The following MRPL50 variants were observed in gnomAD, a reference collection of about 807,000 sequenced individuals.
MRPL50 encodes the protein large ribosomal subunit protein mL50.
MRPL50 carries 10 observed loss-of-function variants against 16.2 expected under a neutral mutation model. The ratio of observed to expected loss-of-function variants is 0.62; its 90% CI spans 0.38 to 1.05. The LOEUF is 1.05. Ranked by LOEUF, MRPL50 falls within the 50% of genes least tolerant of loss-of-function variation. MRPL50 has a pLI of 0.01. For missense variants in MRPL50, 213 were observed against 187.1 expected, an observed-to-expected ratio of 1.14 and a Z score of -0.81; for synonymous variants, 68 against 66.8, an observed-to-expected ratio of 1.02 and a Z score of -0.09.
Position 101,389,972 on chromosome 9 carries a change from T to C in MRPL50, c.*494A>G. On this transcript the variant is annotated 3_prime_UTR_variant, in exon 2 of 2. Coordinates refer to ENST00000374865, the MANE Select transcript of MRPL50 (RefSeq NM_019051.3). The stretch of plus-strand genomic sequence containing the variant: ...AAAATTTACAACACACAATACACTT[T>C]AACAAATCTACTTTAATTCTAAAAG... 7.7e-6 allele frequency: 7 copies of C among 909,586 alleles called. No homozygotes were observed. The highest frequency in any genetic ancestry group is 9.2e-6 in the Non-Finnish European group (7 of 760,548). The allele number at this position is 909,586 out of a possible 1,614,324, so 56.3% of individuals were successfully genotyped here. A position where few individuals can be genotyped will look rare whatever the true frequency, so the allele number is the denominator to read the frequency against.
At chr9:101,394,518 A>C (rs770956258) in intron 1 of MRPL50, among the ~76,000 whole-genome samples, 1 of 152,162 alleles carries the variant, frequency 6.6e-6, no homozygotes, top group Non-Finnish European at 1.5e-5. Flanking sequence ...AATTATCTTT[A>C]AAACCTCCGA....
chr9:101,392,177 G>C (rs1830282315), intron 1 of MRPL50, among the ~76,000 whole-genome samples: 1 of 151,642 alleles, frequency 6.6e-6, no homozygotes, highest in Non-Finnish European at 1.5e-5. Context: ...GTAGTAAGAG[G>C]GAAGCTTATA....
At position 101,389,944 on chromosome 9, in the gene MRPL50, T is replaced by C; in HGVS notation, c.*522A>G. ...AGGCAGAGCGCAAGCAAATTTCACT[T>C]AAAAAATTTACAACACACAATACAC... On this transcript the variant is annotated 3_prime_UTR_variant, in exon 2 of 2. Coordinates refer to ENST00000374865, the MANE Select transcript of MRPL50 (RefSeq NM_019051.3). The C allele has an allele frequency of 1.1e-6, 1 of 888,458 alleles. No homozygotes were observed. Among genetic ancestry groups the C allele is most frequent in the Non-Finnish European group, 1.3e-6 (1 of 741,484 alleles). The allele number at this position is 888,458 out of a possible 1,614,324, so 55.0% of individuals were successfully genotyped here.
In MRPL50 at chr9:101,389,343, C is replaced by T; in HGVS notation, c.*1123G>A. The T allele has an allele frequency of 1.5e-6, 1 of 684,380 alleles. No individual in the cohort carries two copies. Among genetic ancestry groups the T allele is most frequent in the South Asian group, 1.7e-5 (1 of 58,096 alleles). 42.4% of individuals were successfully genotyped at this position (684,380 alleles called of 1,614,324 possible). The stretch of plus-strand genomic sequence containing the variant: ...CTCTAATGTCTAAGCTCCAGAGCTC[C>T]AGGCACTCTGACACCTGAAGTTCTT... On this transcript the variant is annotated 3_prime_UTR_variant, in exon 2 of 2. Transcript: ENST00000374865.
Position 101,387,703 on chromosome 9 carries a change from C to A in MRPL50, c.*2763G>T, listed in dbSNP as rs1461649980. ...CATATGTAAAACCATTCTATTGAGT[C>A]TGAATCTCTATTTTATTAGCAGGCT... On this transcript the variant is annotated 3_prime_UTR_variant, in exon 2 of 2. Transcript: ENST00000374865. The A allele has an allele frequency of 1.3e-5, 2 of 152,028 alleles. No individual in the cohort carries two copies. The highest frequency in any genetic ancestry group is 2.9e-5 in the Non-Finnish European group (2 of 68,004). The allele number at this position is 152,028 out of a possible 1,614,324, so 9.4% of individuals were successfully genotyped here. A position where few individuals can be genotyped will look rare whatever the true frequency, so the allele number is the denominator to read the frequency against.
At chr9:101,394,542 G>A (rs184445344) in intron 1 of MRPL50, among the ~76,000 whole-genome samples, 187 of 152,220 alleles carry the variant, frequency 1.2e-3, no homozygotes, top group Admixed American at 2.7e-3. Flanking sequence ...CCAAGTTTTC[G>A]GGGAGACAGA....
chr9:101,398,178 G>A (rs1015267416), intron 1 of MRPL50, among the ~76,000 whole-genome samples: 10 of 152,194 alleles, frequency 6.6e-5, no homozygotes, highest in African/African-American at 2.2e-4. Flanking sequence ...TTTACCAAGC[G>A]CTTTCATGTG....
chr9:101,390,183 C>T lies in MRPL50; in HGVS notation c.*283G>A, dbSNP rs527886675. Reference sequence around the variant, plus strand: ...ATGAAAGGTGTGAACTTGCAATGTCCTCCTGTCTTAAACCCAAGTTGACAG... The same window carrying T: ...ATGAAAGGTGTGAACTTGCAATGTCTTCCTGTCTTAAACCCAAGTTGACAG... On this transcript the variant is annotated 3_prime_UTR_variant, in exon 2 of 2. Transcript: ENST00000374865. 4.5e-5 allele frequency: 51 copies of T among 1,132,982 alleles called. No individual in the cohort carries two copies. In the Admixed American group the frequency reaches 2.0e-3, roughly 44 times the overall value. 70.2% of individuals were successfully genotyped at this position (1,132,982 alleles called of 1,614,324 possible). A position where few individuals can be genotyped will look rare whatever the true frequency, so the allele number is the denominator to read the frequency against.
chr9:101,389,572 T>G lies in MRPL50; in HGVS notation c.*894A>C. On this transcript the variant is annotated 3_prime_UTR_variant, in exon 2 of 2. Transcript: ENST00000374865. ...GGAATTGTCAGCAGTCAGAACAATATAAGACATTCCTTCTGTCTCATTACT... is the reference window on the plus strand; with the variant it reads ...GGAATTGTCAGCAGTCAGAACAATAGAAGACATTCCTTCTGTCTCATTACT... 1.2e-6 allele frequency: 1 copy of G among 869,502 alleles called. No individual in the cohort carries two copies. The highest frequency in any genetic ancestry group is 1.6e-6 in the Non-Finnish European group (1 of 628,634). The allele number at this position is 869,502 out of a possible 1,614,324, so 53.9% of individuals were successfully genotyped here.
At position 101,390,772 on chromosome 9, in the gene MRPL50, G is replaced by A; in HGVS notation, c.171C>T (p.Ser57=). The change falls in exon 2 of 2, where the codon AGC becomes AGT. Residue 57 remains serine, a synonymous_variant. Transcript: ENST00000374865. ...EPILVCPPLR[S]RAYTPPEDLQ... is the part of the protein sequence containing the mutation. Reference sequence around the variant, plus strand: ...GATCTTCAGGTGGTGTGTATGCTCGGCTTCGTAAAGGTGGACACACTAGGA... The same window carrying A: ...GATCTTCAGGTGGTGTGTATGCTCGACTTCGTAAAGGTGGACACACTAGGA... 6.2e-6 allele frequency: 10 copies of A among 1,613,574 alleles called. No homozygotes were observed. Among genetic ancestry groups the A allele is most frequent in the Non-Finnish European group, 8.5e-6 (10 of 1,179,632 alleles).
At chr9:101,391,834 A>G (rs889256689) in intron 1 of MRPL50, among the ~76,000 whole-genome samples, 2 of 152,078 alleles carry the variant, frequency 1.3e-5, no homozygotes, top group Admixed American at 6.6e-5. Flanking sequence ...TGGACTTGAC[A>G]CTTAGAGAAC....
intron 1 of MRPL50, among the ~76,000 whole-genome samples, chr9:101,393,130 A>G (rs1763697651): frequency 6.6e-6 from 1 of 152,184 alleles, no homozygotes; most frequent in South Asian, 2.1e-4. Flanking sequence ...TAGATGCTGA[A>G]AAAGCATTTC....
At chr9:101,395,452 G>A (rs555317111) in intron 1 of MRPL50, among the ~76,000 whole-genome samples, 2 of 152,188 alleles carry the variant, frequency 1.3e-5, no homozygotes, top group South Asian at 4.1e-4. Flanking sequence ...GTCTAACAGA[G>A]ATATCTGTAC....
chr9:101,389,233 C>A lies in MRPL50; in HGVS notation c.*1233G>T. 4.4e-6 allele frequency: 1 copy of A among 229,030 alleles called. No homozygotes were observed. The highest frequency in any genetic ancestry group is 4.9e-5 in the South Asian group (1 of 20,520). 14.2% of individuals were successfully genotyped at this position (229,030 alleles called of 1,614,324 possible). ...GATGTGCATACATAATATGCAAATA[C>A]TACATCATTTTATAAAAGGGGCTTG... On this transcript the variant is annotated 3_prime_UTR_variant, in exon 2 of 2. Coordinates refer to ENST00000374865, the MANE Select transcript of MRPL50 (RefSeq NM_019051.3).
chr9:101,397,899 G>C (rs1333454062), intron 1 of MRPL50, among the ~76,000 whole-genome samples: 1 of 152,234 alleles, frequency 6.6e-6, no homozygotes, highest in Non-Finnish European at 1.5e-5. Flanking sequence ...GGAGTTAGGA[G>C]ACATATGTTC....
rs1830248829 is a variant in MRPL50 at position 101,390,036 on chromosome 9, T to C, written c.*430A>G. On this transcript the variant is annotated 3_prime_UTR_variant, in exon 2 of 2. Transcript: ENST00000374865. ...ACTGTCAGTAATACACAACATACTT[T>C]TATGTTTCTTTTATAGGTATCTATC... 1 of 943,424 alleles carries C rather than the reference T, an allele frequency of 1.1e-6. No homozygotes were observed. The highest frequency in any genetic ancestry group is 1.8e-5 in the African/African-American group (1 of 56,268). The allele number at this position is 943,424 out of a possible 1,614,324, so 58.4% of individuals were successfully genotyped here.
At chr9:101,392,487 C>T (rs1374478705) in intron 1 of MRPL50, among the ~76,000 whole-genome samples, 1 of 151,790 alleles carries the variant, frequency 6.6e-6, no homozygotes, top group Non-Finnish European at 1.5e-5. Flanking sequence ...AATTTAAAGG[C>T]TAATTAGAGA....
chr9:101,396,334 C>T (rs905543556), intron 1 of MRPL50, among the ~76,000 whole-genome samples: 1 of 152,172 alleles, frequency 6.6e-6, no homozygotes, highest in Non-Finnish European at 1.5e-5. Flanking sequence ...AAAGCAGTAT[C>T]TCAAAGAGAC....
chr9:101,392,999 C>G (rs1237989700), intron 1 of MRPL50, among the ~76,000 whole-genome samples: 3 of 152,096 alleles, frequency 2.0e-5, no homozygotes, highest in African/African-American at 7.2e-5. Context: ...TTAAAATGAT[C>G]ATTCACCATG....
Sources: allele counts gnomAD v4.1 joint callset (sites outside exome capture counted in the v4.1 genomes callset), GRCh38; gene constraint gnomAD v4.1.1; transcripts MANE v1.5; gene names NCBI Gene and HGNC (gene_info 2026-07-23, HGNC 2026-07-21).